Variants in CNTN3 observed in about 807,000 individuals in gnomAD.
CNTN3 encodes the protein contactin 3.
CNTN3 carries 60 observed loss-of-function variants against 119.1 expected under a neutral mutation model. The ratio of observed to expected loss-of-function variants is 0.50; its 90% confidence interval spans 0.41 to 0.62. The LOEUF (loss-of-function observed/expected upper bound fraction) is 0.62, where lower values mean the gene tolerates loss of function less well. Ranked by LOEUF, CNTN3 falls within the 20% of genes least tolerant of loss-of-function variation. CNTN3 has a pLI of 0.00. For synonymous variants in CNTN3, 450 were observed against 438.7 expected (o/e 1.03, Z -0.32); for missense variants, 1,101 against 1,242.4 (o/e 0.89, Z 1.71).
intron 8 of CNTN3, among the ~76,000 whole-genome samples, chr3:74,366,638 T>C (rs968788460): frequency 1.3e-5 from 2 of 151,758 alleles, no homozygotes; most frequent in African/African-American, 4.8e-5. Context: ...ATGGGAAGAT[T>C]TGTCTTTCCA....
intron 4 of CNTN3, among the ~76,000 whole-genome samples, chr3:74,447,108 A>C (rs1251884643): frequency 6.6e-6 from 1 of 152,196 alleles, no homozygotes; most frequent in African/African-American, 2.4e-5. Flanking sequence ...GAAAGATATA[A>C]AGAAGCCAAA....
intron 3 of CNTN3, among the ~76,000 whole-genome samples, chr3:74,489,449 TTCCTCCC>T (rs1702921497): frequency 2.7e-5 from 2 of 74,004 alleles, no homozygotes; most frequent in Non-Finnish European, 9.0e-5. Flanking sequence ...CTTCCTTCCC[TTCCTCCC>T]TTCCTCCCTT....
chr3:74,426,297 G>C (rs1701694562), intron 4 of CNTN3, among the ~76,000 whole-genome samples: 1 of 152,144 alleles, frequency 6.6e-6, no homozygotes, highest in South Asian at 2.1e-4. Context: ...GTCAATTTCT[G>C]AAAGAATATA....
intron 4 of CNTN3, among the ~76,000 whole-genome samples, chr3:74,474,714 A>G (rs1198465729): frequency 6.6e-6 from 1 of 152,084 alleles, no homozygotes; most frequent in East Asian, 1.9e-4. Flanking sequence ...GTCCTTCCCC[A>G]AATCTCATAT....
At chr3:74,411,644 C>T (rs1701440037) in intron 5 of CNTN3, among the ~76,000 whole-genome samples, 1 of 152,148 alleles carries the variant, frequency 6.6e-6, no homozygotes, top group African/African-American at 2.4e-5. Flanking sequence ...AAATGCTGCT[C>T]AATGTCACCC....
chr3:74,416,200 TC>T (rs2106879877), intron 5 of CNTN3, among the ~76,000 whole-genome samples: 1 of 152,340 alleles, frequency 6.6e-6, no homozygotes, highest in Non-Finnish European at 1.5e-5. Context: ...GTATAGTTAA[TC>T]CCCTTCATAG....
intron 4 of CNTN3, among the ~76,000 whole-genome samples, chr3:74,474,926 T>A (rs570731516): frequency 6.6e-6 from 1 of 152,230 alleles, no homozygotes; most frequent in South Asian, 2.1e-4. Flanking sequence ...ACATGCCTGC[T>A]CCCTCTTCGC....
At chr3:74,315,959 T>G (rs1285625963) in intron 13 of CNTN3, among the ~76,000 whole-genome samples, 1 of 152,158 alleles carries the variant, frequency 6.6e-6, no homozygotes, top group Non-Finnish European at 1.5e-5. Flanking sequence ...TATTACTATG[T>G]CCTCAAAGGC....
intron 3 of CNTN3, among the ~76,000 whole-genome samples, chr3:74,494,257 T>C (rs1464442205): frequency 6.6e-6 from 1 of 152,042 alleles, no homozygotes; most frequent in African/African-American, 2.4e-5. Flanking sequence ...GTTTGATCAA[T>C]ACGTGTACAT....
At chr3:74,505,083 C>G (rs1461157586) in intron 2 of CNTN3, among the ~76,000 whole-genome samples, 1 of 151,980 alleles carries the variant, frequency 6.6e-6, no homozygotes, top group Non-Finnish European at 1.5e-5. Flanking sequence ...TTATGTGTGT[C>G]TCTGTGTCCA....
Position 74,535,186 on chromosome 3 carries a change from G to A in CNTN3, c.-80-13994C>T, listed in dbSNP as rs539626914. The stretch of plus-strand genomic sequence containing the variant: ...TTTGCTTTATCACAGCAAATTGAGT[G>A]ATTTTGACACCTTTTTGAAATGCTA... On this transcript the variant is annotated intron_variant, in intron 1 of 22. Transcript: ENST00000263665. Among the ~76,000 whole-genome samples, 5 of 152,160 alleles carry A rather than the reference G, an allele frequency of 3.3e-5. No individual in the cohort carries two copies. In the East Asian group the frequency reaches 9.7e-4, roughly 30 times the overall value.
At chr3:74,353,497 C>T (rs1187909887) in intron 11 of CNTN3, among the ~76,000 whole-genome samples, 1 of 152,216 alleles carries the variant, frequency 6.6e-6, no homozygotes, top group African/African-American at 2.4e-5. Flanking sequence ...TGGCTCACGC[C>T]TGTAATCCCA....
chr3:74,312,308 TA>T (rs1161092357), intron 13 of CNTN3, among the ~76,000 whole-genome samples: 14 of 151,312 alleles, frequency 9.3e-5, no homozygotes, highest in African/African-American at 2.9e-4. Context: ...TACAAAAAAC[TA>T]GCCAGGCGTG....
intron 4 of CNTN3, among the ~76,000 whole-genome samples, chr3:74,428,132 T>C (rs1701725833): frequency 6.6e-6 from 1 of 152,166 alleles, no homozygotes; most frequent in Non-Finnish European, 1.5e-5. Flanking sequence ...ATGCTGCCAG[T>C]CATATAAAAG....
chr3:74,487,475 A>G (rs1172435509), intron 3 of CNTN3, among the ~76,000 whole-genome samples: 6 of 152,302 alleles, frequency 3.9e-5, no homozygotes, highest in Middle Eastern at 6.8e-3. Flanking sequence ...AAATTGTAGC[A>G]TATTATAACA....
rs550603333 is a variant in CNTN3 at position 74,605,282 on chromosome 3, A to T, written c.-81+9109T>A. 5.2e-4 allele frequency among the ~76,000 whole-genome samples: 79 copies of T among 152,204 alleles called. 4 individuals are homozygous for T. The South Asian group carries it at 0.015, about 29-fold the overall frequency. Reference sequence around the variant, plus strand: ...TTCTTGAAAATCACTAAGAGAATAGATTTTAAGCTTTTTCACCATACAAAA... The same window carrying T: ...TTCTTGAAAATCACTAAGAGAATAGTTTTTAAGCTTTTTCACCATACAAAA... On this transcript the variant is annotated intron_variant, in intron 1 of 22. Transcript: ENST00000263665.
intron 15 of CNTN3, 38 bp from the exon 16 acceptor site, chr3:74,301,585 T>C (rs1226288072): frequency 6.2e-7 from 1 of 1,612,372 alleles, no homozygotes; most frequent in Non-Finnish European, 8.5e-7. Context: ...GTCTGCCTGC[T>C]TTAGCATTGA....
intron 8 of CNTN3, among the ~76,000 whole-genome samples, chr3:74,367,296 C>G (rs1704222022): frequency 6.6e-6 from 1 of 152,036 alleles, no homozygotes; most frequent in Admixed American, 6.6e-5. Context: ...AAGCAATAGT[C>G]TACCTCTTTT....
intron 1 of CNTN3, among the ~76,000 whole-genome samples, chr3:74,583,819 T>C (rs1704552579): frequency 6.6e-6 from 1 of 152,188 alleles, no homozygotes; most frequent in Non-Finnish European, 1.5e-5. Flanking sequence ...CTGCTTGTTT[T>C]CCATTTTTCC....
Sources: gnomAD v4.1 joint callset for allele counts (sites outside exome capture counted in the v4.1 genomes callset) on GRCh38, gnomAD v4.1.1 for gene constraint, MANE v1.5 for transcripts, NCBI Gene and HGNC (gene_info 2026-07-23, HGNC 2026-07-21) for gene names.